Variants in VTI1A observed in about 807,000 individuals in gnomAD.
VTI1A encodes the protein vesicle transport through interaction with t-SNAREs 1A.
Under a neutral mutation model 34.9 loss-of-function variants are expected in VTI1A, and 22 were observed. The ratio of observed to expected loss-of-function variants is 0.63; its 90% CI spans 0.45 to 0.90. The LOEUF (loss-of-function observed/expected upper bound fraction) is 0.90. Among genes scored for constraint, VTI1A ranks in the 40% least tolerant of loss-of-function variants. The probability of loss-of-function intolerance (pLI) is 0.00; values close to 1 mark genes in which losing one functional copy is unlikely to be tolerated. For synonymous variants in VTI1A, 87 were observed against 97.3 expected (o/e 0.89, Z 0.62); for missense variants, 268 against 275.6 (o/e 0.97, Z 0.20).
intron 7 of VTI1A, among the ~76,000 whole-genome samples, chr10:112,812,080 A>G (rs189227677): frequency 6.6e-6 from 1 of 152,208 alleles, no homozygotes; most frequent in Admixed American, 6.5e-5. Context: ...TCGGGCCCAC[A>G]TTCCTTTTAT....
chr10:112,601,454 T>G (rs558834211), intron 5 of VTI1A, among the ~76,000 whole-genome samples: 1 of 152,050 alleles, frequency 6.6e-6, no homozygotes, highest in East Asian at 1.9e-4. Context: ...TAAATGACTA[T>G]TTCTATGGGG....
chr10:112,710,561 A>T (rs1849377006), intron 7 of VTI1A, among the ~76,000 whole-genome samples: 1 of 152,160 alleles, frequency 6.6e-6, no homozygotes, highest in Admixed American at 6.5e-5. Flanking sequence ...TAATTATAGA[A>T]ATTGCAGAAT....
intron 7 of VTI1A, among the ~76,000 whole-genome samples, chr10:112,771,533 A>G (rs1851815293): frequency 6.6e-6 from 1 of 152,208 alleles, no homozygotes; most frequent in East Asian, 1.9e-4. Context: ...ACTTTTTTTC[A>G]GTAACTGCTT....
chr10:112,615,044 G>C (rs754184593), intron 5 of VTI1A, among the ~76,000 whole-genome samples: 3 of 151,926 alleles, frequency 2.0e-5, no homozygotes, highest in Non-Finnish European at 4.4e-5. Flanking sequence ...GTGGCAAATG[G>C]ATCATTGTTG....
intron 1 of VTI1A, among the ~76,000 whole-genome samples, chr10:112,451,870 A>G (rs922217637): frequency 6.6e-6 from 1 of 152,238 alleles, no homozygotes. Context: ...ACGTGTAGCT[A>G]TTGAGCACCT....
intron 5 of VTI1A, among the ~76,000 whole-genome samples, chr10:112,591,485 A>C (rs1218813500): frequency 6.6e-6 from 1 of 151,538 alleles, no homozygotes. Flanking sequence ...GCACCACTGC[A>C]CTCCAGCCTG....
chr10:112,723,961 G>A (rs938480755), intron 7 of VTI1A, among the ~76,000 whole-genome samples: 4 of 152,212 alleles, frequency 2.6e-5, no homozygotes, highest in East Asian at 3.8e-4. Flanking sequence ...CCTAGCAGGA[G>A]CTCAAAGGAT....
intron 3 of VTI1A, among the ~76,000 whole-genome samples, chr10:112,467,502 G>A (rs10885351): frequency 0.71 from 107,918 of 152,090 alleles, 39,664 homozygotes; most frequent in Non-Finnish European, 0.8. Flanking sequence ...TAATATTTTA[G>A]GAAAGTTTAT....
intron 1 of VTI1A, among the ~76,000 whole-genome samples, chr10:112,458,857 G>A (rs1015596821): frequency 2.6e-5 from 4 of 151,802 alleles, no homozygotes; most frequent in Middle Eastern, 3.2e-3. Flanking sequence ...TAGTAGAGAC[G>A]GGGTTTCACT....
chr10:112,475,930 G>A (rs1426633155), intron 3 of VTI1A, among the ~76,000 whole-genome samples: 1 of 152,180 alleles, frequency 6.6e-6, no homozygotes, highest in East Asian at 1.9e-4. Flanking sequence ...AAGACACTGT[G>A]TTGAATGTTT....
chr10:112,718,887 C>T (rs566724126), intron 7 of VTI1A, among the ~76,000 whole-genome samples: 2 of 152,170 alleles, frequency 1.3e-5, no homozygotes, highest in Non-Finnish European at 2.9e-5. Context: ...AATGAACAGT[C>T]GACTGCACTG....
chr10:112,698,111 C>T (rs1848861834), intron 7 of VTI1A, among the ~76,000 whole-genome samples: 1 of 152,110 alleles, frequency 6.6e-6, no homozygotes, highest in Non-Finnish European at 1.5e-5. Context: ...GTCAGATATA[C>T]CTTAAAGCCA....
intron 5 of VTI1A, among the ~76,000 whole-genome samples, chr10:112,599,390 T>C (rs1349210275): frequency 6.6e-6 from 1 of 152,118 alleles, no homozygotes; most frequent in African/African-American, 2.4e-5. Context: ...AACCAGGGCT[T>C]AAGGAAGATA....
the VTI1A span, among the ~76,000 whole-genome samples, chr10:112,850,358 G>A: frequency 1.7e-4 from 24 of 143,790 alleles, no homozygotes; most frequent in Non-Finnish European, 1.7e-4. Context: ...ACCTTTAAAG[G>A]AAAAAAAAAA....
At position 112,816,225 on chromosome 10, in the gene VTI1A, A is replaced by C. The variant is rs1455723692; in HGVS notation, c.*842A>C. 1 of 215,828 alleles carries C rather than the reference A, an allele frequency of 4.6e-6. No individual in the cohort carries two copies. Among genetic ancestry groups the C allele is most frequent in the Non-Finnish European group, 9.3e-6 (1 of 107,180 alleles). The allele number at this position is 215,828 out of a possible 1,614,324, so 13.4% of individuals were successfully genotyped here. On this transcript the variant is annotated 3_prime_UTR_variant, in exon 8 of 8. Transcript: ENST00000393077. ...ATCTGCACTGCCAAAAGCAGTCCTC[A>C]TACTTGCAAAAGGTCTGACAAGGTT...
In VTI1A at chr10:112,477,403, C is replaced by A. The variant is rs79697622; in HGVS notation, c.264+12746C>A. Among the ~76,000 whole-genome samples, 1,416 of 152,302 alleles carry A rather than the reference C, an allele frequency of 9.3e-3. 20 individuals carry two copies. The highest frequency in any genetic ancestry group is 0.031 in the African/African-American group (1,282 of 41,572). ...GTGCATTTTATTAGTTCTTGAGGCT[C>A]CTCATCTTTGCAAATACACCAAAGC... On this transcript the variant is annotated intron_variant, in intron 3 of 7. Coordinates refer to ENST00000393077, the MANE Select transcript of VTI1A (RefSeq NM_145206.4).
At chr10:112,718,676 T>C (rs2133935616) in intron 7 of VTI1A, among the ~76,000 whole-genome samples, 1 of 152,254 alleles carries the variant, frequency 6.6e-6, no homozygotes, top group East Asian at 1.9e-4. Flanking sequence ...TCCAAGCAAA[T>C]AGTGTTGACC....
intron 5 of VTI1A, among the ~76,000 whole-genome samples, chr10:112,622,524 C>T (rs148797698): frequency 0.012 from 1,864 of 149,528 alleles, 40 homozygotes; most frequent in African/African-American, 0.044. Context: ...GAGTCACATA[C>T]GTATTTCTTT....
downstream of VTI1A, among the ~76,000 whole-genome samples, chr10:112,819,238 T>A (rs1188963329): frequency 6.6e-6 from 1 of 151,976 alleles, no homozygotes; most frequent in African/African-American, 2.4e-5. Context: ...TAACTAGGAG[T>A]GATGATTTCC....
Sources: gnomAD v4.1 joint callset for allele counts (sites outside exome capture counted in the v4.1 genomes callset) on GRCh38, gnomAD v4.1.1 for gene constraint, MANE v1.5 for transcripts, NCBI Gene and HGNC (gene_info 2026-07-23, HGNC 2026-07-21) for gene names.